The following FGD4 variants were observed in gnomAD, a reference collection of about 807,000 sequenced individuals.
FGD4 encodes the protein FYVE, RhoGEF and PH domain containing 4.
FGD4 carries 42 observed loss-of-function variants against 102.0 expected under a neutral mutation model. The ratio of observed to expected loss-of-function variants is 0.41; its 90% CI spans 0.32 to 0.53. The LOEUF (loss-of-function observed/expected upper bound fraction) is 0.53. Among genes scored for constraint, FGD4 ranks in the 20% least tolerant of loss-of-function variants. The pLI is 0.21. For synonymous variants in FGD4, 380 were observed against 375.7 expected, an observed-to-expected ratio of 1.01 and a Z score of -0.13; for missense variants, 902 against 1,078.2, an observed-to-expected ratio of 0.84 and a Z score of 2.29.
At chr12:32,623,494 T>C (rs1949971308) in intron 11 of FGD4, among the ~76,000 whole-genome samples, 1 of 152,164 alleles carries the variant, frequency 6.6e-6, no homozygotes, top group Admixed American at 6.5e-5. Flanking sequence ...GCTGGAAAGA[T>C]AGATCGTGAC....
chr12:32,435,247 A>G (rs929547934), intron 1 of FGD4, among the ~76,000 whole-genome samples: 1 of 152,118 alleles, frequency 6.6e-6, no homozygotes, highest in Non-Finnish European at 1.5e-5. Context: ...GTGCCTGGCC[A>G]CTTCATTTCT....
intron 1 of FGD4, among the ~76,000 whole-genome samples, chr12:32,446,523 C>T (rs930242240): frequency 1.3e-5 from 2 of 152,138 alleles, no homozygotes; most frequent in Non-Finnish European, 2.9e-5. Flanking sequence ...GAGATAAAGA[C>T]ATTCCTTTCC....
intron 1 of FGD4, among the ~76,000 whole-genome samples, chr12:32,460,586 G>A (rs1352609320): frequency 6.6e-6 from 1 of 152,012 alleles, no homozygotes; most frequent in Non-Finnish European, 1.5e-5. Flanking sequence ...GAATTTATAA[G>A]TGGACATATC....
At chr12:32,509,391 C>CAT (rs1403411186) in intron 1 of FGD4, among the ~76,000 whole-genome samples, 1 of 151,760 alleles carries the variant, frequency 6.6e-6, no homozygotes, top group African/African-American at 2.4e-5. Flanking sequence ...TTTAAGAAGT[C>CAT]CTCAGGTGGT....
chr12:32,485,671 C>G (rs1258611018), intron 1 of FGD4, among the ~76,000 whole-genome samples: 1 of 151,956 alleles, frequency 6.6e-6, no homozygotes, highest in Non-Finnish European at 1.5e-5. Context: ...GTCTCGATTT[C>G]TTGACCTCGT....
intron 1 of FGD4, among the ~76,000 whole-genome samples, chr12:32,480,722 C>A (rs12230606): frequency 0.12 from 17,919 of 150,580 alleles, 1,368 homozygotes; most frequent in East Asian, 0.41. Context: ...GATGCTCTTG[C>A]TCTCCTGACC....
At chr12:32,433,459 C>T (rs1591891522) in intron 1 of FGD4, among the ~76,000 whole-genome samples, 2 of 152,004 alleles carry the variant, frequency 1.3e-5, no homozygotes, top group Non-Finnish European at 2.9e-5. Context: ...AGCGATTCTC[C>T]TGCCTCAGCC....
At chr12:32,422,711 C>G (rs1941684016) in intron 1 of FGD4, among the ~76,000 whole-genome samples, 1 of 152,094 alleles carries the variant, frequency 6.6e-6, no homozygotes, top group Non-Finnish European at 1.5e-5. Context: ...TGAGAAAATA[C>G]ACTAACAAAT....
rs376583564 is a variant in FGD4, at chr12:32,636,882, T to C, written c.2314-1773T>C. ...TTTCAGTATTTTTTTTCTTTTTTTT[T>C]TTTTTTTAGACAGAGTCTTGCTCTG... is the stretch of plus-strand genomic sequence containing the variant. On this transcript the variant is annotated intron_variant, in intron 15 of 16. Coordinates refer to ENST00000534526, the MANE Select transcript of FGD4 (RefSeq NM_001370298.3). 2.7e-5 allele frequency among the ~76,000 whole-genome samples: 4 copies of C among 150,492 alleles called. No homozygotes were observed. The East Asian group carries it at 5.9e-4, about 22-fold the overall frequency.
At chr12:32,535,251 T>A (rs542614011) in intron 1 of FGD4, among the ~76,000 whole-genome samples, 140 of 152,356 alleles carry the variant, frequency 9.2e-4, no homozygotes, top group African/African-American at 3.1e-3. Flanking sequence ...TAAGCCTCAC[T>A]GAAAAATGTC....
intron 1 of FGD4, chr12:32,534,453 A>G: frequency 6.6e-7 from 1 of 1,526,010 alleles, no homozygotes; most frequent in South Asian, 1.2e-5. Flanking sequence ...ATTAAACCAG[A>G]GTAGATTAAT....
intron 7 of FGD4, among the ~76,000 whole-genome samples, chr12:32,607,330 C>A (rs960583359): frequency 6.6e-6 from 1 of 152,116 alleles, no homozygotes; most frequent in Non-Finnish European, 1.5e-5. Flanking sequence ...ACTTGGAAGG[C>A]TGAGGTGGGA....
intron 1 of FGD4, among the ~76,000 whole-genome samples, chr12:32,432,852 T>C (rs933647889): frequency 1.5e-4 from 23 of 152,196 alleles, no homozygotes; most frequent in African/African-American, 5.5e-4. Context: ...AGTGAGTGAC[T>C]GAAATCCTGT....
intron 12 of FGD4, 28 bp downstream of exon 12, chr12:32,624,480 TTC>T: frequency 1.3e-6 from 2 of 1,559,802 alleles, no homozygotes. Flanking sequence ...TTCCTTTTCT[TTC>T]TTTTTTTTTT....
chr12:32,526,492 T>C (rs1941222743), intron 1 of FGD4, among the ~76,000 whole-genome samples: 1 of 152,130 alleles, frequency 6.6e-6, no homozygotes. Flanking sequence ...GGAGAACCTT[T>C]GTATCTAGCT....
intron 1 of FGD4, among the ~76,000 whole-genome samples, chr12:32,462,167 G>A (rs185447804): frequency 1.6e-4 from 24 of 152,174 alleles, no homozygotes; most frequent in Admixed American, 8.5e-4. Flanking sequence ...TCTTGATGTG[G>A]CAGCCTTAAG....
chr12:32,470,453 T>C (rs552592842), intron 1 of FGD4, among the ~76,000 whole-genome samples: 1 of 149,324 alleles, frequency 6.7e-6, no homozygotes, highest in Non-Finnish European at 1.5e-5. Context: ...AAGTTTTCTT[T>C]TTTCTTTTTC....
chr12:32,624,302 T>C (rs1350525647), intron 11 of FGD4, 120 bp from the exon 12 acceptor site: 1 of 768,320 alleles, frequency 1.3e-6, no homozygotes, highest in African/African-American at 1.8e-5. Flanking sequence ...TTTGTTATAA[T>C]TCCTTCCATA....
chr12:32,500,595 G>A (rs986266939), intron 1 of FGD4, among the ~76,000 whole-genome samples: 6 of 151,640 alleles, frequency 4.0e-5, no homozygotes, highest in Non-Finnish European at 7.4e-5. Context: ...CACCATGCCC[G>A]GCTAATTTTT....
Sources: gnomAD v4.1 joint callset for allele counts (sites outside exome capture counted in the v4.1 genomes callset) on GRCh38, gnomAD v4.1.1 for gene constraint, MANE v1.5 for transcripts, NCBI Gene and HGNC (gene_info 2026-07-23, HGNC 2026-07-21) for gene names.